Variants in TENM2 observed in about 807,000 individuals in gnomAD.
The protein encoded by TENM2 is teneurin-2.
In TENM2, 52 loss-of-function variants were observed where a neutral mutation model predicts 245.2. That is an observed-to-expected ratio of 0.21 (90% CI 0.17 to 0.27). The LOEUF is 0.27. Ranked by LOEUF, TENM2 falls within the 10% of genes least tolerant of loss-of-function variation. TENM2 has a pLI of 1.00. For synonymous variants in TENM2, 1,363 were observed against 1,438.9 expected (o/e 0.95, Z 1.19); for missense variants, 3,046 against 3,666.8 (o/e 0.83, Z 4.37).
At chr5:167,077,149 A>G in the TENM2 span, among the ~76,000 whole-genome samples, 5 of 152,308 alleles carry the variant, frequency 3.3e-5, no homozygotes, top group Admixed American at 2.6e-4. Flanking sequence ...AAACTACACT[A>G]TATGCAAGTC....
chr5:167,048,991 C>T, the TENM2 span, among the ~76,000 whole-genome samples: 46 of 151,934 alleles, frequency 3.0e-4, no homozygotes, highest in African/African-American at 1.0e-3. Flanking sequence ...GAACAGTGTA[C>T]TTTTTTTTGT....
intron 2 of TENM2, among the ~76,000 whole-genome samples, chr5:167,717,359 C>T (rs1043068887): frequency 6.6e-6 from 1 of 152,094 alleles, no homozygotes; most frequent in African/African-American, 2.4e-5. Context: ...TATGAACTGA[C>T]CCTCCCGCTA....
chr5:167,420,370 A>G (rs1763430756), intron 2 of TENM2, among the ~76,000 whole-genome samples: 1 of 152,136 alleles, frequency 6.6e-6, no homozygotes, highest in Admixed American at 6.5e-5. Context: ...CTGTACTGTG[A>G]ATGAGGACAT....
At chr5:167,610,196 A>G (rs775190558) in intron 2 of TENM2, among the ~76,000 whole-genome samples, 7 of 152,138 alleles carry the variant, frequency 4.6e-5, no homozygotes, top group East Asian at 1.9e-4. Flanking sequence ...TTGGCAAGGT[A>G]TAGGAGGAAA....
chr5:168,134,123 C>G (rs1373851988), intron 12 of TENM2, among the ~76,000 whole-genome samples: 2 of 152,010 alleles, frequency 1.3e-5, no homozygotes, highest in African/African-American at 4.8e-5. Context: ...CCACTGCACT[C>G]TAGCCTAGGC....
intron 13 of TENM2, among the ~76,000 whole-genome samples, chr5:168,175,781 A>G (rs1245707475): frequency 6.6e-6 from 1 of 152,192 alleles, no homozygotes; most frequent in Non-Finnish European, 1.5e-5. Context: ...AAAGAGAAAC[A>G]GCAGTCCCCG....
intron 2 of TENM2, among the ~76,000 whole-genome samples, chr5:167,674,749 C>T (rs1192544580): frequency 6.6e-6 from 1 of 152,028 alleles, no homozygotes; most frequent in Non-Finnish European, 1.5e-5. Context: ...GCAAGAGTAA[C>T]TGTACGTGAA....
the TENM2 span, among the ~76,000 whole-genome samples, chr5:167,210,644 T>A: frequency 1.3e-5 from 2 of 151,330 alleles, no homozygotes. Context: ...TTTGTATTTT[T>A]AGTAGAGACG....
At chr5:167,530,058 A>T (rs960269693) in intron 2 of TENM2, among the ~76,000 whole-genome samples, 14 of 152,236 alleles carry the variant, frequency 9.2e-5, no homozygotes, top group African/African-American at 3.4e-4. Context: ...ATCCCAAAGC[A>T]GTGCTGCTCA....
At chr5:168,205,492 G>A (rs528879236) in intron 19 of TENM2, among the ~76,000 whole-genome samples, 2 of 152,320 alleles carry the variant, frequency 1.3e-5, no homozygotes, top group East Asian at 1.9e-4. Flanking sequence ...GCGACAGGGA[G>A]GGTACATGGA....
chr5:167,673,373 A>G (rs17068959), intron 2 of TENM2, among the ~76,000 whole-genome samples: 1,694 of 152,168 alleles, frequency 0.011, 26 homozygotes, highest in African/African-American at 0.038. Flanking sequence ...CCTGACCCCT[A>G]TGCCAAAATA....
intron 6 of TENM2, among the ~76,000 whole-genome samples, chr5:168,058,016 A>G (rs1789705499): frequency 6.6e-6 from 1 of 152,156 alleles, no homozygotes; most frequent in Non-Finnish European, 1.5e-5. Context: ...CCTTTTACAG[A>G]CAATAGTGGC....
In TENM2 at chr5:168,218,033, T is replaced by A; in HGVS notation, c.4234-92T>A. 7.1e-7 allele frequency: 1 copy of A among 1,406,614 alleles called. No individual in the cohort carries two copies. Among genetic ancestry groups the A allele is most frequent in the Non-Finnish European group, 9.6e-7 (1 of 1,037,020 alleles). The allele number at this position is 1,406,614 out of a possible 1,614,324, so 87.1% of individuals were successfully genotyped here. A position where few individuals can be genotyped will look rare whatever the true frequency, so the allele number is the denominator to read the frequency against. ...AATGTGTTATTAAAAAGCTGTCTTT[T>A]TTCCTAGATATATAAAACCAGTAAG... On this transcript the variant is annotated intron_variant, in intron 22 of 28. Coordinates refer to ENST00000518659, the Ensembl canonical transcript of TENM2. This position sits in a 1 kb window ranked among gnomAD's most constrained non-coding sequence, Gnocchi z 5.2.
Position 168,188,972 on chromosome 5 carries a change from G to C in TENM2, c.2570-1365G>C, listed in dbSNP as rs753723358. On this transcript the variant is annotated intron_variant, in intron 13 of 28. Transcript: ENST00000518659. Reference sequence around the variant, plus strand: ...CTTAAACAACAAACATTTATTTCTCGCAGTCCTGGAGGCTGGGAAGTCCAA... The same window carrying C: ...CTTAAACAACAAACATTTATTTCTCCCAGTCCTGGAGGCTGGGAAGTCCAA... Among the ~76,000 whole-genome samples the C allele has an allele frequency of 3.3e-5, 5 of 152,216 alleles. No individual in the cohort carries two copies. The South Asian group carries it at 1.0e-3, about 32-fold the overall frequency.
Position 167,308,803 on chromosome 5 carries a change from T to C in TENM2, c.226+23740T>C, listed in dbSNP as rs116051780. On this transcript the variant is annotated intron_variant, in intron 1 of 28. Transcript: ENST00000518659. ...GTCTGCCAAGGATTAAGCTTAGAAT[T>C]GAGACCACAGTGTTTCCATTTCTCT... Among the ~76,000 whole-genome samples the C allele has an allele frequency of 7.4e-3, 1,123 of 152,280 alleles. 16 individuals carry two copies. Among genetic ancestry groups the C allele is most frequent in the African/African-American group, 0.025 (1,042 of 41,558 alleles).
At chr5:168,209,043 A>G (rs1368772471) in intron 19 of TENM2, among the ~76,000 whole-genome samples, 2 of 152,202 alleles carry the variant, frequency 1.3e-5, no homozygotes, top group African/African-American at 4.8e-5. Flanking sequence ...TCATCTTTTA[A>G]TATCACAGTT....
In TENM2 at chr5:167,329,424, C is replaced by T. The variant is rs142247092; in HGVS notation, c.226+44361C>T. On this transcript the variant is annotated intron_variant, in intron 1 of 28. Coordinates refer to ENST00000518659, the Ensembl canonical transcript of TENM2. ...AAAAATAGCCTGGCGTGGTGGCAGG[C>T]ACCTGTTGTTCCAGCTACCCGGGAG... Among the ~76,000 whole-genome samples, 840 of 149,824 alleles carry T rather than the reference C, an allele frequency of 5.6e-3. 8 individuals are homozygous for T. Among genetic ancestry groups the T allele is most frequent in the African/African-American group, 0.018 (748 of 40,788 alleles).
At chr5:167,206,006 C>T in the TENM2 span, among the ~76,000 whole-genome samples, 1 of 152,194 alleles carries the variant, frequency 6.6e-6, no homozygotes, top group African/African-American at 2.4e-5. Flanking sequence ...CTGGGAAACG[C>T]AGGATAATCT....
chr5:167,786,508 A>G (rs1022068194), intron 2 of TENM2, among the ~76,000 whole-genome samples: 1 of 152,202 alleles, frequency 6.6e-6, no homozygotes, highest in African/African-American at 2.4e-5. Context: ...TTCTTAATGG[A>G]TACAAACAAC....
Sources: allele counts gnomAD v4.1 joint callset (sites outside exome capture counted in the v4.1 genomes callset), GRCh38; gene constraint gnomAD v4.1.1; non-coding constraint Gnocchi (gnomAD v3.1); transcripts MANE v1.5; gene names NCBI Gene and HGNC (gene_info 2026-07-23, HGNC 2026-07-21).